ANXA4: variants seen among roughly 807,000 people sequenced by gnomAD.
ANXA4 encodes 35-beta calcimedin.
In ANXA4, 39 loss-of-function variants were observed where a neutral mutation model predicts 49.8. The ratio of observed to expected loss-of-function variants is 0.78; its 90% CI spans 0.61 to 1.02. The LOEUF (loss-of-function observed/expected upper bound fraction) is 1.02, where lower values mean the gene tolerates loss of function less well. Among genes scored for constraint, ANXA4 ranks in the 50% least tolerant of loss-of-function variants. The pLI, the probability that ANXA4 is intolerant of heterozygous loss-of-function variation, is 0.00. For synonymous variants in ANXA4, 134 were observed against 152.5 expected, an observed-to-expected ratio of 0.88 and a Z score of 0.89; for missense variants, 360 against 410.1, an observed-to-expected ratio of 0.88 and a Z score of 1.05.
chr2:69,734,315 C>T (rs1054489444), intron 3 of ANXA4, among the ~76,000 whole-genome samples: 1 of 152,222 alleles, frequency 6.6e-6, no homozygotes, highest in Non-Finnish European at 1.5e-5. Flanking sequence ...CTCCATCTTG[C>T]TTCTGACCTC....
intron 2 of ANXA4, among the ~76,000 whole-genome samples, chr2:69,687,540 GAA>G (rs1473956025): frequency 6.6e-6 from 1 of 151,774 alleles, no homozygotes; most frequent in South Asian, 2.1e-4. Context: ...GGGAAGGAGA[GAA>G]AAAAGAAAGA....
At chr2:69,699,918 G>T (rs1298080470) in intron 2 of ANXA4, among the ~76,000 whole-genome samples, 1 of 152,194 alleles carries the variant, frequency 6.6e-6, no homozygotes. Context: ...AGGGAATTTA[G>T]TCGCCCCAGC....
chr2:69,768,408 G>A (rs1474691726), intron 1 of ANXA4, among the ~76,000 whole-genome samples: 2 of 152,178 alleles, frequency 1.3e-5, no homozygotes, highest in East Asian at 1.9e-4. Context: ...ATGACTGGAA[G>A]CTGGGAGAGG....
Position 69,674,968 on chromosome 2 carries a change from G to C in ANXA4, n.766+21686G>C, listed in dbSNP as rs375066590. ...GATGGAGTCTCGCTCTGTCACCCAG[G>C]CTGGAGTGCAGTGGCACCATCTCGG... On this transcript the variant is annotated intron_variant and non_coding_transcript_variant, in intron 2 of 3. Transcript: ENST00000418066. Among the ~76,000 whole-genome samples, 53 of 147,700 alleles carry C rather than the reference G, an allele frequency of 3.6e-4. No individual in the cohort carries two copies. The East Asian group carries it at 1.0e-2, about 28-fold the overall frequency.
intron 2 of ANXA4, among the ~76,000 whole-genome samples, chr2:69,698,085 C>A (rs531361062): frequency 6.6e-6 from 1 of 152,182 alleles, no homozygotes; most frequent in East Asian, 1.9e-4. Context: ...AAGGCACTGG[C>A]AGATTCAGAG....
intron 3 of ANXA4, among the ~76,000 whole-genome samples, chr2:69,793,063 C>A (rs1672765128): frequency 2.6e-5 from 4 of 151,418 alleles, no homozygotes; most frequent in Non-Finnish European, 3.0e-5. Context: ...ACCATCCTGG[C>A]CAACATGGTG....
intron 2 of ANXA4, among the ~76,000 whole-genome samples, chr2:69,709,906 A>C (rs1678621560): frequency 2.0e-5 from 3 of 151,846 alleles, no homozygotes; most frequent in Admixed American, 1.3e-4. Flanking sequence ...TTGACAAACA[A>C]TAGGTAACTT....
intron 3 of ANXA4, among the ~76,000 whole-genome samples, chr2:69,727,823 C>A (rs1280105136): frequency 6.6e-6 from 1 of 152,128 alleles, no homozygotes; most frequent in Non-Finnish European, 1.5e-5. Flanking sequence ...TCGCTAATGT[C>A]TTTTTCTGGG....
intron 1 of ANXA4, among the ~76,000 whole-genome samples, chr2:69,768,632 G>A (rs1383541215): frequency 1.3e-5 from 2 of 152,228 alleles, no homozygotes; most frequent in Non-Finnish European, 2.9e-5. Context: ...GATAATGTGT[G>A]TTGAATGAGT....
chr2:69,819,927 G>T (rs1204828161), intron 11 of ANXA4, among the ~76,000 whole-genome samples: 1 of 152,032 alleles, frequency 6.6e-6, no homozygotes, highest in Non-Finnish European at 1.5e-5. Flanking sequence ...AATTAGTCAG[G>T]TATGGTGGCT....
chr2:69,696,187 C>T (rs939727407), intron 2 of ANXA4, among the ~76,000 whole-genome samples: 1 of 152,152 alleles, frequency 6.6e-6, no homozygotes, highest in South Asian at 2.1e-4. Context: ...CTCTCAAACC[C>T]TTAGTTGATG....
In ANXA4 at chr2:69,746,775, C is replaced by CA. The variant is rs1286315348; in HGVS notation, c.-47+4601dup. Reference sequence around the variant, plus strand: ...AAATTACTACGGAAAAGACCTTCTACAGCCTGGTCAACATGGAGAATTCTG... The same window carrying CA: ...AAATTACTACGGAAAAGACCTTCTACAAGCCTGGTCAACATGGAGAATTCTG... On this transcript the variant is annotated intron_variant, in intron 1 of 12. Coordinates refer to ENST00000394295, the MANE Select transcript of ANXA4 (RefSeq NM_001153.5). 2.0e-5 allele frequency among the ~76,000 whole-genome samples: 3 copies of CA among 151,914 alleles called. No individual in the cohort carries two copies. The East Asian group carries it at 5.8e-4, about 29-fold the overall frequency.
intron 3 of ANXA4, among the ~76,000 whole-genome samples, chr2:69,792,112 C>T (rs1019993758): frequency 6.6e-6 from 1 of 152,142 alleles, no homozygotes; most frequent in Non-Finnish European, 1.5e-5. Flanking sequence ...ACCCAAAAGC[C>T]AGGGGTTAGG....
intron 2 of ANXA4, among the ~76,000 whole-genome samples, chr2:69,698,787 C>T (rs1156470803): frequency 6.6e-6 from 1 of 152,196 alleles, no homozygotes; most frequent in South Asian, 2.1e-4. Flanking sequence ...AGCTTTGTCT[C>T]TGCTTCTCAA....
Position 69,724,128 on chromosome 2 carries a change from G to A in ANXA4, n.864+3257G>A, listed in dbSNP as rs574809849. 2.6e-3 allele frequency among the ~76,000 whole-genome samples: 397 copies of A among 152,002 alleles called. 2 individuals are homozygous for A. The highest frequency in any genetic ancestry group is 4.0e-3 in the Admixed American group (61 of 15,278). Reference sequence around the variant, plus strand: ...AGAGTGAAACTCCATCTCAAAAAAAGAAAAAAAGAAAAAGAAAAGAAATGG... The same window carrying A: ...AGAGTGAAACTCCATCTCAAAAAAAAAAAAAAAGAAAAAGAAAAGAAATGG... On this transcript the variant is annotated intron_variant and non_coding_transcript_variant, in intron 3 of 3. Coordinates refer to the ANXA4 transcript ENST00000418066.
At chr2:69,819,508 A>C (rs927016198) in intron 11 of ANXA4, among the ~76,000 whole-genome samples, 170 bp downstream of exon 11, 23 of 152,172 alleles carry the variant, frequency 1.5e-4, no homozygotes, top group African/African-American at 5.3e-4. Flanking sequence ...TTTACTGAGT[A>C]CTTAGGATGT....
At chr2:69,695,161 A>AG (rs1419760213) in intron 2 of ANXA4, among the ~76,000 whole-genome samples, 1 of 151,960 alleles carries the variant, frequency 6.6e-6, no homozygotes, top group Non-Finnish European at 1.5e-5. Context: ...AAAAAAAAAA[A>AG]GTACACATTA....
chr2:69,768,280 G>A (rs1331224112), intron 1 of ANXA4, among the ~76,000 whole-genome samples: 2 of 152,158 alleles, frequency 1.3e-5, no homozygotes, highest in Non-Finnish European at 2.9e-5. Flanking sequence ...TTAAAATAAA[G>A]TCCCTCTGGC....
upstream of ANXA4, among the ~76,000 whole-genome samples, chr2:69,644,165 T>TTCGCGCCCC (rs1553424953): frequency 2.4e-4 from 5 of 21,116 alleles, 1 homozygote; most frequent in African/African-American, 8.5e-4. Flanking sequence ...ACAACTAAGT[T>TTCGCGCCCC]CCCCCCCCCC....
Sources: allele counts gnomAD v4.1 joint callset (sites outside exome capture counted in the v4.1 genomes callset), GRCh38; gene constraint gnomAD v4.1.1; transcripts MANE v1.5; gene names NCBI Gene and HGNC (gene_info 2026-07-23, HGNC 2026-07-21).